Variants in NTNG1 observed in about 807,000 individuals in gnomAD.
NTNG1 encodes netrin-G1.
NTNG1 carries 16 observed loss-of-function variants against 54.0 expected under a neutral mutation model. That is an observed-to-expected ratio of 0.30 (90% CI 0.20 to 0.45). The LOEUF is 0.45. NTNG1 is among the 20% of genes least tolerant of loss of function. The pLI is 1.00. For synonymous variants in NTNG1, 255 were observed against 263.1 expected (o/e 0.97, Z 0.30); for missense variants, 530 against 678.7 (o/e 0.78, Z 2.43).
At chr1:107,171,176 G>A (rs1054491904) in intron 2 of NTNG1, among the ~76,000 whole-genome samples, 3 of 152,132 alleles carry the variant, frequency 2.0e-5, no homozygotes, top group Middle Eastern at 6.8e-3. Flanking sequence ...AGTTATTGAT[G>A]TATAAAAATG....
rs147524607 is a variant in NTNG1 at position 107,186,540 on chromosome 1, C to G, written c.246+37701C>G. ...CTATTCTATGTCAGCTTCTTCTTCC[C>G]TATGTACTATTAGGTTGGTGCAAAA... On this transcript the variant is annotated intron_variant, in intron 2 of 7. Coordinates refer to ENST00000370068, the MANE Select transcript of NTNG1 (RefSeq NM_001113226.3). Among the ~76,000 whole-genome samples, 42 of 152,252 alleles carry G rather than the reference C, an allele frequency of 2.8e-4. No homozygotes were observed. In the East Asian group the frequency reaches 7.5e-3, roughly 27 times the overall value.
At chr1:107,233,702 A>T (rs1050499185) in intron 2 of NTNG1, among the ~76,000 whole-genome samples, 2 of 152,206 alleles carry the variant, frequency 1.3e-5, no homozygotes, top group African/African-American at 4.8e-5. Context: ...GAGAGTGTAC[A>T]TGGAATAGAA....
chr1:107,449,347 C>A (rs891668880), intron 7 of NTNG1, among the ~76,000 whole-genome samples: 2 of 151,884 alleles, frequency 1.3e-5, no homozygotes, highest in Admixed American at 1.3e-4. Context: ...TGGGGGTGGG[C>A]TCCAGGCATC....
At chr1:107,306,831 T>C (rs766281568) in intron 2 of NTNG1, among the ~76,000 whole-genome samples, 1 of 152,096 alleles carries the variant, frequency 6.6e-6, no homozygotes, top group Non-Finnish European at 1.5e-5. Flanking sequence ...ATAAGTGACT[T>C]GGTTGTTTTC....
In NTNG1 at chr1:107,238,769, G is replaced by A. The variant is rs564246275; in HGVS notation, c.247-85513G>A. ...CTGACTGTGAGGTCTCCCCAGCCATGTGGAACTGTGAGTCCAATTAAACAC... is the reference window on the plus strand; with the variant it reads ...CTGACTGTGAGGTCTCCCCAGCCATATGGAACTGTGAGTCCAATTAAACAC... On this transcript the variant is annotated intron_variant, in intron 2 of 7. Coordinates refer to ENST00000370068, the MANE Select transcript of NTNG1 (RefSeq NM_001113226.3). Among the ~76,000 whole-genome samples, 7 of 150,858 alleles carry A rather than the reference G, an allele frequency of 4.6e-5. No homozygotes were observed. The East Asian group carries it at 1.4e-3, about 29-fold the overall frequency.
At chr1:107,470,781 G>A (rs368885590) in intron 7 of NTNG1, among the ~76,000 whole-genome samples, 15 of 152,222 alleles carry the variant, frequency 9.9e-5, no homozygotes, top group East Asian at 3.8e-4. Flanking sequence ...CCTTGTCTGT[G>A]TCTGTGTCTG....
At chr1:107,233,646 T>C (rs1454596498) in intron 2 of NTNG1, among the ~76,000 whole-genome samples, 4 of 152,154 alleles carry the variant, frequency 2.6e-5, no homozygotes, top group Non-Finnish European at 4.4e-5. Flanking sequence ...TCCCCACATC[T>C]AGAAGCCAGA....
At chr1:107,414,251 A>G (rs1674045119) in intron 5 of NTNG1, among the ~76,000 whole-genome samples, 1 of 152,170 alleles carries the variant, frequency 6.6e-6, no homozygotes, top group Non-Finnish European at 1.5e-5. Context: ...ATTTCCTTCC[A>G]GAGTCCAATT....
chr1:107,455,386 A>G (rs1676886839), intron 7 of NTNG1, among the ~76,000 whole-genome samples: 1 of 152,224 alleles, frequency 6.6e-6, no homozygotes, highest in African/African-American at 2.4e-5. Context: ...AAAAAGCAAT[A>G]AAAAGTCATT....
At chr1:107,156,921 T>C (rs562118673) in intron 2 of NTNG1, among the ~76,000 whole-genome samples, 5 of 152,154 alleles carry the variant, frequency 3.3e-5, no homozygotes, top group African/African-American at 7.2e-5. Context: ...TGAAGATGAG[T>C]AAATTACACC....
At chr1:107,435,311 A>T (rs1355354820) in intron 6 of NTNG1, among the ~76,000 whole-genome samples, 2 of 152,176 alleles carry the variant, frequency 1.3e-5, no homozygotes, top group Non-Finnish European at 2.9e-5. Flanking sequence ...TGCATATTAA[A>T]ATAGAAAATG....
intron 2 of NTNG1, among the ~76,000 whole-genome samples, chr1:107,229,807 T>C (rs1023469438): frequency 2.6e-5 from 4 of 152,078 alleles, no homozygotes; most frequent in African/African-American, 4.8e-5. Context: ...ATTTCTGCAT[T>C]TACTGTGAAT....
At chr1:107,177,865 A>G (rs1003872845) in intron 2 of NTNG1, among the ~76,000 whole-genome samples, 2 of 152,098 alleles carry the variant, frequency 1.3e-5, no homozygotes, top group Admixed American at 6.5e-5. Flanking sequence ...AACATAATCT[A>G]TTATTGGTCA....
chr1:107,424,870 C>T (rs1020952405), intron 5 of NTNG1, among the ~76,000 whole-genome samples: 12 of 151,950 alleles, frequency 7.9e-5, no homozygotes, highest in Non-Finnish European at 1.8e-4. Context: ...TGCATATAGA[C>T]CATGGGGTTG....
At chr1:107,466,595 C>A (rs1230075016) in intron 7 of NTNG1, among the ~76,000 whole-genome samples, 1 of 152,316 alleles carries the variant, frequency 6.6e-6, no homozygotes, top group East Asian at 1.9e-4. Flanking sequence ...TGTGATTAGT[C>A]TTTAACAAGT....
At chr1:107,279,630 C>T (rs1664698244) in intron 2 of NTNG1, among the ~76,000 whole-genome samples, 1 of 152,088 alleles carries the variant, frequency 6.6e-6, no homozygotes, top group African/African-American at 2.4e-5. Flanking sequence ...TAGAATACAT[C>T]TTTAGCTTCC....
At chr1:107,367,259 TG>T (rs1670654928) in intron 3 of NTNG1, among the ~76,000 whole-genome samples, 1 of 152,120 alleles carries the variant, frequency 6.6e-6, no homozygotes, top group South Asian at 2.1e-4. Context: ...CAGATCTTAA[TG>T]TTTGCCTGAA....
chr1:107,196,940 G>A (rs1252678828), intron 2 of NTNG1, among the ~76,000 whole-genome samples: 3 of 151,796 alleles, frequency 2.0e-5, no homozygotes, highest in Non-Finnish European at 4.4e-5. Flanking sequence ...ATTCTCGGGC[G>A]GGTGTGTGTG....
chr1:107,362,045 A>G (rs1055172412), intron 3 of NTNG1, among the ~76,000 whole-genome samples: 10 of 152,114 alleles, frequency 6.6e-5, no homozygotes, highest in Admixed American at 1.3e-4. Context: ...CTCATCCCAT[A>G]TCCAGCACTC....
Sources: gnomAD v4.1 joint callset for allele counts (sites outside exome capture counted in the v4.1 genomes callset) on GRCh38, gnomAD v4.1.1 for gene constraint, MANE v1.5 for transcripts, NCBI Gene and HGNC (gene_info 2026-07-23, HGNC 2026-07-21) for gene names.